Variants in SCUBE1 observed in about 807,000 individuals in gnomAD.
SCUBE1 encodes signal peptide, CUB and EGF-like domain-containing protein 1.
Under a neutral mutation model 124.4 loss-of-function variants are expected in SCUBE1, and 59 were observed. The observed-to-expected ratio is 0.47, with a 90% confidence interval of 0.38 to 0.59. The LOEUF (loss-of-function observed/expected upper bound fraction) is 0.59, where lower values mean the gene tolerates loss of function less well. Ranked by LOEUF, SCUBE1 falls within the 20% of genes least tolerant of loss-of-function variation. SCUBE1 has a pLI of 0.00. For synonymous variants in SCUBE1, 545 were observed against 550.9 expected (o/e 0.99, Z 0.15); for missense variants, 1,150 against 1,371.2 (o/e 0.84, Z 2.55).
At chr22:43,305,468 C>A (rs2014968) in intron 3 of SCUBE1, among the ~76,000 whole-genome samples, 138,360 of 152,206 alleles carry the variant, frequency 0.91, 63,105 homozygotes, top group African/African-American at 0.98. Flanking sequence ...GAGGCTCAGG[C>A]GGAAGAGCTG....
At chr22:43,264,409 C>T (rs1015554790) in intron 4 of SCUBE1, among the ~76,000 whole-genome samples, 3 of 152,154 alleles carry the variant, frequency 2.0e-5, no homozygotes, top group Admixed American at 6.5e-5. Context: ...CTCTTGAGGC[C>T]GGTGTCTCTC....
chr22:43,309,698 C>T (rs1427242750), intron 3 of SCUBE1, among the ~76,000 whole-genome samples: 4 of 152,084 alleles, frequency 2.6e-5, no homozygotes, highest in South Asian at 4.1e-4. Context: ...CCTGTACCTC[C>T]GTGTCCACCC....
At chr22:43,244,640 G>A (rs1923135089) in intron 6 of SCUBE1, among the ~76,000 whole-genome samples, 1 of 152,210 alleles carries the variant, frequency 6.6e-6, no homozygotes, top group Admixed American at 6.5e-5. Flanking sequence ...AATGGGAAGT[G>A]GGTGTGGGTG....
intron 2 of SCUBE1, among the ~76,000 whole-genome samples, chr22:43,327,523 A>C (rs1286638180): frequency 6.6e-6 from 1 of 152,184 alleles, no homozygotes; most frequent in Non-Finnish European, 1.5e-5. Flanking sequence ...AGGGTAGCTC[A>C]CGCCTGTAAT....
chr22:43,210,771 G>T lies in SCUBE1; in HGVS notation c.2383+151C>A. On this transcript the variant is annotated intron_variant, in intron 18 of 21. Transcript: ENST00000360835. This position sits in a 1 kb window ranked among gnomAD's most constrained non-coding sequence, Gnocchi z 4.5. The stretch of plus-strand genomic sequence containing the variant: ...CCTTTGGTGCCACAGGCCTCCAGAT[G>T]GATGCAATGCACCCGAGAGCAGACG... The T allele has an allele frequency of 1.1e-6, 1 of 925,320 alleles. No individual in the cohort carries two copies. Among genetic ancestry groups the T allele is most frequent in the Non-Finnish European group, 1.6e-6 (1 of 609,984 alleles). 57.3% of individuals were successfully genotyped at this position (925,320 alleles called of 1,614,324 possible). A position where few individuals can be genotyped will look rare whatever the true frequency, so the allele number is the denominator to read the frequency against.
chr22:43,324,824 A>G (rs1926669735), intron 2 of SCUBE1, among the ~76,000 whole-genome samples: 1 of 151,210 alleles, frequency 6.6e-6, no homozygotes. Context: ...TTTATTCTTA[A>G]AGGGCTGTTG....
chr22:43,290,100 C>T (rs1034498764), intron 4 of SCUBE1, among the ~76,000 whole-genome samples: 4 of 152,204 alleles, frequency 2.6e-5, no homozygotes, highest in African/African-American at 9.6e-5. Flanking sequence ...CCTGCCCTGC[C>T]CTCACAGCAC....
rs867958589 is a variant in SCUBE1, at chr22:43,234,664, C to A, written c.845-2789G>T. Among the ~76,000 whole-genome samples the A allele has an allele frequency of 1.3e-5, 2 of 152,310 alleles. No homozygotes were observed. The highest frequency in any genetic ancestry group is 4.8e-5 in the African/African-American group (2 of 41,568). ...GGCCCCTGGGGTGCAGCTTTTGCAC[C>A]TCTCTGCCCTTCCGCTCCTTCCTGG... On this transcript the variant is annotated intron_variant, in intron 7 of 21. Transcript: ENST00000360835. This position sits in a 1 kb window ranked among gnomAD's most constrained non-coding sequence, Gnocchi z 4.4.
chr22:43,288,166 G>A (rs1483913907), intron 4 of SCUBE1, among the ~76,000 whole-genome samples: 1 of 152,216 alleles, frequency 6.6e-6, no homozygotes, highest in Non-Finnish European at 1.5e-5. Flanking sequence ...GCTGGTTAAT[G>A]CAGATTGGGA....
rs1921565436 is a variant in SCUBE1, at chr22:43,211,685, T to A, written c.2222-602A>T. 6.6e-6 allele frequency among the ~76,000 whole-genome samples: 1 copy of A among 151,762 alleles called. No homozygotes were observed. Among genetic ancestry groups the A allele is most frequent in the South Asian group, 2.1e-4 (1 of 4,804 alleles). On this transcript the variant is annotated intron_variant, in intron 17 of 21. Transcript: ENST00000360835. The surrounding 1 kb of genome is among the most constrained non-coding windows in gnomAD (Gnocchi z 4.5). ...GTGCACATCACCACACCCGGCTAAT[T>A]ATTTTTGTATTTTTTTTAAGTAGAG...
intron 6 of SCUBE1, among the ~76,000 whole-genome samples, chr22:43,240,260 C>G (rs376559220): frequency 6.6e-6 from 1 of 152,184 alleles, no homozygotes; most frequent in African/African-American, 2.4e-5. Context: ...CTGGCTCGTC[C>G]TCTGTGTGTC....
At chr22:43,335,160 G>A (rs1265690806) in intron 2 of SCUBE1, among the ~76,000 whole-genome samples, 1 of 152,172 alleles carries the variant, frequency 6.6e-6, no homozygotes, top group Non-Finnish European at 1.5e-5. Flanking sequence ...TGAACATCTG[G>A]ATGGTTTCCC....
intron 21 of SCUBE1, among the ~76,000 whole-genome samples, chr22:43,205,275 C>G (rs962211161): frequency 6.6e-6 from 1 of 152,106 alleles, no homozygotes; most frequent in African/African-American, 2.4e-5. Flanking sequence ...ACGGGGCTGT[C>G]CTCCGGAGCA....
At chr22:43,335,942 G>A (rs1927063511) in intron 2 of SCUBE1, among the ~76,000 whole-genome samples, 1 of 151,996 alleles carries the variant, frequency 6.6e-6, no homozygotes, top group Non-Finnish European at 1.5e-5. Context: ...TGATGATGGT[G>A]ATGAAGATGA....
intron 15 of SCUBE1, among the ~76,000 whole-genome samples, chr22:43,214,539 C>T (rs1478097022): frequency 1.3e-5 from 2 of 152,248 alleles, no homozygotes; most frequent in African/African-American, 4.8e-5. Flanking sequence ...CCACCTCCCC[C>T]ATACGTCTGT....
chr22:43,200,195 G>C lies in SCUBE1; in HGVS notation c.*3802C>G, dbSNP rs886280630. 2.0e-5 allele frequency: 3 copies of C among 152,246 alleles called. No individual in the cohort carries two copies. The highest frequency in any genetic ancestry group is 7.2e-5 in the African/African-American group (3 of 41,462). The allele number at this position is 152,246 out of a possible 1,614,324, so 9.4% of individuals were successfully genotyped here. A position where few individuals can be genotyped will look rare whatever the true frequency, so the allele number is the denominator to read the frequency against. ...AGAGGAGCCTGGAGACCGGGCAGGC[G>C]CCTCCGTCCCGGCCAGATGGCAGTG... On this transcript the variant is annotated 3_prime_UTR_variant, in exon 22 of 22. Coordinates refer to ENST00000360835, the MANE Select transcript of SCUBE1 (RefSeq NM_173050.5).
intron 2 of SCUBE1, among the ~76,000 whole-genome samples, chr22:43,337,986 A>T (rs1927140163): frequency 6.6e-6 from 1 of 152,116 alleles, no homozygotes; most frequent in Non-Finnish European, 1.5e-5. Flanking sequence ...AATCTTGCAA[A>T]AGATGCTTCT....
chr22:43,227,864 A>G (rs2146675322), intron 9 of SCUBE1, among the ~76,000 whole-genome samples: 1 of 152,288 alleles, frequency 6.6e-6, no homozygotes, highest in South Asian at 2.1e-4. Flanking sequence ...GGGACTCTGG[A>G]CAAGCCCTTT....
intron 6 of SCUBE1, among the ~76,000 whole-genome samples, chr22:43,251,798 C>T (rs889172303): frequency 2.0e-5 from 3 of 152,164 alleles, no homozygotes; most frequent in Admixed American, 2.0e-4. Flanking sequence ...ACTGAGATTG[C>T]GGGAATCTGT....
Sources: allele counts gnomAD v4.1 joint callset (sites outside exome capture counted in the v4.1 genomes callset), GRCh38; gene constraint gnomAD v4.1.1; non-coding constraint Gnocchi (gnomAD v3.1); transcripts MANE v1.5; gene names NCBI Gene and HGNC (gene_info 2026-07-23, HGNC 2026-07-21).